Variants in UBN2 observed in about 807,000 individuals in gnomAD.
UBN2 encodes ubinuclein 2, also known as ubinuclein-2.
Under a neutral mutation model 120.2 loss-of-function variants are expected in UBN2, and 35 were observed. The ratio of observed to expected loss-of-function variants is 0.29; its 90% CI spans 0.22 to 0.39. The LOEUF is 0.39. UBN2 is among the 10% of genes least tolerant of loss of function. The probability of loss-of-function intolerance (pLI) is 1.00; values close to 1 mark genes in which losing one functional copy is unlikely to be tolerated. For synonymous variants in UBN2, 661 were observed against 648.7 expected (o/e 1.02, Z -0.29); for missense variants, 1,693 against 1,663.2 (o/e 1.02, Z -0.31).
At chr7:139,282,200 A>G in intron 14 of UBN2, 145 bp downstream of exon 14, 1 of 581,098 alleles carries the variant, frequency 1.7e-6, no homozygotes, top group Non-Finnish European at 3.0e-6. Context: ...AAATGAGTCA[A>G]ATACTTTTAT....
Position 139,260,271 on chromosome 7 carries a change from A to G in UBN2, c.905+901A>G, listed in dbSNP as rs538842680. On this transcript the variant is annotated intron_variant, in intron 5 of 17. Coordinates refer to ENST00000473989, the MANE Select transcript of UBN2 (RefSeq NM_173569.4). ...GTACCACTATGCCTGGCTAATTTTT[A>G]TATTTTTGTACAGATGGTGTTTCGC... Among the ~76,000 whole-genome samples the G allele has an allele frequency of 1.7e-3, 263 of 151,274 alleles. 1 individual carries two copies. The highest frequency in any genetic ancestry group is 6.3e-3 in the African/African-American group (260 of 41,196).
intron 2 of UBN2, among the ~76,000 whole-genome samples, chr7:139,249,830 A>C (rs956383442): frequency 6.6e-6 from 1 of 151,862 alleles, no homozygotes; most frequent in African/African-American, 2.4e-5. Context: ...CTCAAGTAGC[A>C]AGGACCACAG....
rs1242063417 is a variant in UBN2, at chr7:139,283,554, G to A, written c.2649G>A (p.Arg883=). ...PARLLQQGLQ[R]SSQIHTSSSS... ...GGCTACTTCAACAAGGACTTCAGAG[G>A]TCAAGCCAGATTCACACTTCTTCCT... The change falls in exon 15 of 18, where the codon AGG becomes AGA. Residue 883 remains arginine (R), a synonymous_variant. Transcript: ENST00000473989. 1 of 1,614,138 alleles carries A rather than the reference G, an allele frequency of 6.2e-7. No individual in the cohort carries two copies. Among genetic ancestry groups the A allele is most frequent in the East Asian group, 2.2e-5 (1 of 44,886 alleles).
downstream of UBN2, among the ~76,000 whole-genome samples, chr7:139,311,326 C>T (rs896574117): frequency 5.9e-5 from 9 of 152,222 alleles, no homozygotes; most frequent in African/African-American, 1.9e-4. Context: ...TTTTCTCCCT[C>T]TGTGTATTTG....
chr7:139,269,666 T>A, intron 8 of UBN2, 143 bp downstream of exon 8: 3 of 866,294 alleles, frequency 3.5e-6, no homozygotes, highest in Non-Finnish European at 5.1e-6. Context: ...TAAAAGTATG[T>A]TGGATCCCCT....
chr7:139,312,264 C>CGT (rs1798457761), downstream of UBN2, among the ~76,000 whole-genome samples: 1 of 152,144 alleles, frequency 6.6e-6, no homozygotes, highest in South Asian at 2.1e-4. Flanking sequence ...AGTGTTGTGT[C>CGT]GTGTGTATAC....
intron 15 of UBN2, among the ~76,000 whole-genome samples, chr7:139,288,703 T>TA (rs1323424035): frequency 3.3e-5 from 5 of 151,542 alleles, no homozygotes; most frequent in African/African-American, 7.3e-5. Flanking sequence ...GTATGTGGTT[T>TA]AAAAAAAAAT....
intron 3 of UBN2, among the ~76,000 whole-genome samples, chr7:139,252,757 T>C (rs2130961915): frequency 6.6e-6 from 1 of 152,018 alleles, no homozygotes; most frequent in South Asian, 2.1e-4. Context: ...CCTCACCCCT[T>C]GCTCAAACAG....
At chr7:139,287,119 A>G (rs537276838) in intron 15 of UBN2, among the ~76,000 whole-genome samples, 2 of 152,336 alleles carry the variant, frequency 1.3e-5, no homozygotes, top group East Asian at 1.9e-4. Context: ...AAAAAGGTAT[A>G]TGGAAGATTG....
At chr7:139,329,914 A>C in the UBN2 span, among the ~76,000 whole-genome samples, 1 of 152,096 alleles carries the variant, frequency 6.6e-6, no homozygotes, top group South Asian at 2.1e-4. Flanking sequence ...TAATTCAACA[A>C]ATAGCTGTGG....
intron 5 of UBN2, among the ~76,000 whole-genome samples, chr7:139,260,187 C>T (rs553503847): frequency 2.0e-5 from 3 of 152,218 alleles, no homozygotes; most frequent in South Asian, 2.1e-4. Context: ...CAGCCTCAAC[C>T]TCCTGGGATC....
At chr7:139,263,714 C>A (rs1797007869) in intron 6 of UBN2, among the ~76,000 whole-genome samples, 1 of 145,810 alleles carries the variant, frequency 6.9e-6, no homozygotes, top group South Asian at 2.1e-4. Flanking sequence ...GTGGAGGTTG[C>A]AGTGAGCATG....
chr7:139,258,598 A>G lies in UBN2; in HGVS notation c.774A>G (p.Thr258=). 1.2e-6 allele frequency: 2 copies of G among 1,603,166 alleles called. No individual in the cohort carries two copies. Among genetic ancestry groups the G allele is most frequent in the Non-Finnish European group, 1.7e-6 (2 of 1,173,636 alleles). The change falls in exon 4 of 18, where the codon ACA becomes ACG. Residue 258 remains threonine (T), a synonymous_variant. Coordinates refer to ENST00000473989, the MANE Select transcript of UBN2 (RefSeq NM_173569.4). The part of the protein sequence containing the change: ...QASDTEEDDI[T]DNQKHKPPKV... ...CAGATACTGAAGAAGATGATATTAC[A>G]GACAACCAAAAGCACAAGCCACCCA...
chr7:139,261,775 T>C, intron 6 of UBN2, 34 bp downstream of exon 6: 1 of 1,579,882 alleles, frequency 6.3e-7, no homozygotes, highest in Non-Finnish European at 8.6e-7. Flanking sequence ...TTTTATTTGC[T>C]GCACAAACAT....
At chr7:139,316,414 A>G in the UBN2 span, among the ~76,000 whole-genome samples, 1 of 152,156 alleles carries the variant, frequency 6.6e-6, no homozygotes, top group Non-Finnish European at 1.5e-5. Flanking sequence ...GCTTCTTCAC[A>G]TTTAAATAAT....
chr7:139,328,786 C>T, the UBN2 span, among the ~76,000 whole-genome samples: 1 of 150,818 alleles, frequency 6.6e-6, no homozygotes, highest in Non-Finnish European at 1.5e-5. Context: ...ATTGCTTGAG[C>T]TGGGGAGGTT....
Position 139,302,267 on chromosome 7 carries a change from A to G in UBN2, c.*4431A>G, listed in dbSNP as rs1798276905. ...TATATGTGTAAGATACATACATTACATATATATAAAACTAGGAGCTGCTGT... is the reference window on the plus strand; with the variant it reads ...TATATGTGTAAGATACATACATTACGTATATATAAAACTAGGAGCTGCTGT... On this transcript the variant is annotated 3_prime_UTR_variant, in exon 18 of 18. Coordinates refer to ENST00000473989, the MANE Select transcript of UBN2 (RefSeq NM_173569.4). The G allele has an allele frequency of 6.6e-6, 1 of 152,194 alleles. No individual in the cohort carries two copies. The highest frequency in any genetic ancestry group is 1.5e-5 in the Non-Finnish European group (1 of 68,036). The allele number at this position is 152,194 out of a possible 1,614,324, so 9.4% of individuals were successfully genotyped here. A position where few individuals can be genotyped will look rare whatever the true frequency, so the allele number is the denominator to read the frequency against.
Position 139,276,086 on chromosome 7 carries a change from A to C in UBN2, c.1974-11A>C. 6.2e-7 allele frequency: 1 copy of C among 1,609,826 alleles called. No individual in the cohort carries two copies. Among genetic ancestry groups the C allele is most frequent in the South Asian group, 1.1e-5 (1 of 90,466 alleles). ...AAGAAAATAATAATTGTGTTCTTTA[A>C]ATTTTTCCAGAATGCTTTTTAAGGA... On this transcript the variant is annotated splice_polypyrimidine_tract_variant and intron_variant, in intron 11 of 17. Coordinates refer to ENST00000473989, the MANE Select transcript of UBN2 (RefSeq NM_173569.4).
chr7:139,241,011 T>G (rs1584986175), intron 2 of UBN2, among the ~76,000 whole-genome samples: 1 of 152,202 alleles, frequency 6.6e-6, no homozygotes, highest in Non-Finnish European at 1.5e-5. Flanking sequence ...ATGCCTCTCT[T>G]TATTCCCAGT....
Sources: allele counts gnomAD v4.1 joint callset (sites outside exome capture counted in the v4.1 genomes callset), GRCh38; gene constraint gnomAD v4.1.1; transcripts MANE v1.5; gene names NCBI Gene and HGNC (gene_info 2026-07-23, HGNC 2026-07-21).